MIB2: variants seen among roughly 807,000 people sequenced by gnomAD.
MIB2 encodes the protein MIB E3 ubiquitin protein ligase 2.
MIB2 carries 78 observed loss-of-function variants against 96.6 expected under a neutral mutation model. The ratio of observed to expected loss-of-function variants is 0.81; its 90% CI spans 0.67 to 0.97. The LOEUF is 0.97. Ranked by LOEUF, MIB2 falls within the 50% of genes least tolerant of loss-of-function variation. The pLI, the probability that MIB2 is intolerant of heterozygous loss-of-function variation, is 0.00. For synonymous variants in MIB2, 820 were observed against 629.5 expected (o/e 1.30, Z -4.53); for missense variants, 1,543 against 1,424.0 (o/e 1.08, Z -1.35).
At position 1,627,438 on chromosome 1, in the gene MIB2, C is replaced by T; in HGVS notation, c.1517C>T (p.Ala506Val). 2 of 1,609,864 alleles carry T rather than the reference C, an allele frequency of 1.2e-6. No homozygotes were observed. The highest frequency in any genetic ancestry group is 1.7e-6 in the Non-Finnish European group (2 of 1,178,220). The change falls in exon 12 of 20, where the codon GCC (alanine) becomes GTC (valine). Residue 506 changes from alanine to valine, a missense_variant. Physicochemically the swap from Ala to Val is moderately conservative, Grantham distance 64. Transcript: ENST00000355826. The part of the protein sequence containing the change: ...DEGNTALHYA[A>V]LGNQPEATRV... ...GGCAACACGGCACTGCACTACGCGG[C>T]CCTGGGGTGAGGCCTGGGAGGGGCC...
Position 1,626,643 on chromosome 1 carries a change from C to A in MIB2, c.973-7C>A, listed in dbSNP as rs780701423. On this transcript the variant is annotated splice_polypyrimidine_tract_variant and splice_region_variant and intron_variant, in intron 8 of 19. Coordinates refer to ENST00000355826, the MANE Select transcript of MIB2 (RefSeq NM_001170687.4). This position sits in a 1 kb window ranked among gnomAD's most constrained non-coding sequence, Gnocchi z 5.3. Reference sequence around the variant, plus strand: ...GGGGGCCCCTCACGCCCCTCTTTGTCGCTCAGCACCACTCCTTCTGGGTGG... The same window carrying A: ...GGGGGCCCCTCACGCCCCTCTTTGTAGCTCAGCACCACTCCTTCTGGGTGG... 4.5e-6 allele frequency: 7 copies of A among 1,547,862 alleles called. No individual in the cohort carries two copies. The highest frequency in any genetic ancestry group is 1.4e-5 in the African/African-American group (1 of 72,598).
Position 1,625,654 on chromosome 1 carries a change from G to A in MIB2, c.972+1G>A, listed in dbSNP as rs369881643. The A allele has an allele frequency of 5.6e-5, 87 of 1,553,978 alleles. No individual in the cohort carries two copies. Among genetic ancestry groups the A allele is most frequent in the Non-Finnish European group, 7.2e-5 (83 of 1,148,666 alleles). ...CTTCCACCCCGGGGCGCTCACCAAG[G>A]TGCCGGGGGGGCTGGGCTGCGCCTC... On this transcript the variant is annotated splice_donor_variant, in intron 8 of 19. Transcript: ENST00000355826. LOFTEE classifies it high-confidence loss of function. This position sits in a 1 kb window ranked among gnomAD's most constrained non-coding sequence, Gnocchi z 5.0.
In MIB2 at chr1:1,626,822, C is replaced by A; in HGVS notation, c.1078-15C>A. 6.3e-7 allele frequency: 1 copy of A among 1,599,992 alleles called. No homozygotes were observed. On this transcript the variant is annotated splice_polypyrimidine_tract_variant and intron_variant, in intron 9 of 19. Transcript: ENST00000355826. This position sits in a 1 kb window ranked among gnomAD's most constrained non-coding sequence, Gnocchi z 5.3. Reference sequence around the variant, plus strand: ...CACACCTGCAGCCTGCTGTGACCCCCTCCCCTCCCCGCAGGCCCTGGGCCG... The same window carrying A: ...CACACCTGCAGCCTGCTGTGACCCCATCCCCTCCCCGCAGGCCCTGGGCCG...
At chr1:1,623,053 G>A (rs931547011) in intron 2 of MIB2, 3 of 365,160 alleles carry the variant, frequency 8.2e-6, no homozygotes, top group African/African-American at 4.3e-5. Context: ...CTCGGGGGAC[G>A]GCAGCTCTTA....
intron 2 of MIB2, 84 bp from the exon 3 acceptor site, chr1:1,623,347 G>A (rs1042165904): frequency 8.4e-6 from 13 of 1,544,240 alleles, no homozygotes; most frequent in African/African-American, 1.4e-5. Flanking sequence ...CACTCTGACC[G>A]GGAGTGTCCC....
rs915577286 is a variant in MIB2 at position 1,615,643 on chromosome 1, G to A, written c.-130+10G>A. 1.3e-6 allele frequency: 2 copies of A among 1,575,472 alleles called. No individual in the cohort carries two copies. Among genetic ancestry groups the A allele is most frequent in the Non-Finnish European group, 1.7e-6 (2 of 1,164,748 alleles). On this transcript the variant is annotated intron_variant, in intron 1 of 19. Transcript: ENST00000355826. ...GTCCTCTCGGCTGATGGTGCGTGCGGGCGCGGATCTCCTCCCCTGGTCCTC... is the reference window on the plus strand; with the variant it reads ...GTCCTCTCGGCTGATGGTGCGTGCGAGCGCGGATCTCCTCCCCTGGTCCTC...
chr1:1,627,763 C>A lies in MIB2; in HGVS notation c.1614C>A (p.Ala538=). 1 of 1,597,384 alleles carries A rather than the reference C, an allele frequency of 6.3e-7. No individual in the cohort carries two copies. Among genetic ancestry groups the A allele is most frequent in the Non-Finnish European group, 8.5e-7 (1 of 1,179,100 alleles). The change falls in exon 13 of 20, where the codon GCC becomes GCA. Residue 538 remains alanine (A), a synonymous_variant. Coordinates refer to ENST00000355826, the MANE Select transcript of MIB2 (RefSeq NM_001170687.4). The part of the protein sequence containing the change: ...NSTQSTALHV[A]VQRGFLEVVR... ...CCCAGAGCACAGCACTGCACGTGGC[C>A]GTGCAGAGGGGCTTCCTGGAGGTGG...
At chr1:1,617,221 C>T (rs1643828484) in intron 2 of MIB2, 1 of 152,736 alleles carries the variant, frequency 6.5e-6, no homozygotes, top group Admixed American at 6.5e-5. Flanking sequence ...ATTTCGGTGT[C>T]ATTAGGCACA....
chr1:1,624,029 C>T, intron 4 of MIB2, 84 bp downstream of exon 4: 1 of 1,421,200 alleles, frequency 7.0e-7, no homozygotes, highest in South Asian at 1.3e-5. Context: ...AGGGTGCTGC[C>T]TCCTGACCGC....
upstream of MIB2, chr1:1,614,648 C>G (rs1414130051): frequency 6.6e-6 from 1 of 152,382 alleles, no homozygotes; most frequent in Admixed American, 6.5e-5. Context: ...GCTAACAGGA[C>G]CACGTGAGGG....
upstream of MIB2, chr1:1,615,367 C>G (rs976363341): frequency 1.5e-5 from 21 of 1,417,848 alleles, no homozygotes; most frequent in Non-Finnish European, 1.8e-5. Flanking sequence ...CGCTCGGAAC[C>G]TAGCTGCGCC....
upstream of MIB2, chr1:1,613,965 G>C (rs1367908318): frequency 6.6e-6 from 1 of 152,142 alleles, no homozygotes; most frequent in Non-Finnish European, 1.5e-5. Flanking sequence ...GTATCGTTAG[G>C]CATGTGGCGA....
At chr1:1,627,893 C>G in intron 13 of MIB2, 64 bp downstream of exon 13, 2 of 1,594,574 alleles carry the variant, frequency 1.3e-6, no homozygotes, top group Non-Finnish European at 1.7e-6. Flanking sequence ...GCCTGGGTTC[C>G]CTCTGCCCAT....
chr1:1,625,571 A>G lies in MIB2; in HGVS notation c.890A>G (p.His297Arg). 6.3e-7 allele frequency: 1 copy of G among 1,584,188 alleles called. No individual in the cohort carries two copies. The highest frequency in any genetic ancestry group is 8.6e-7 in the Non-Finnish European group (1 of 1,166,006). ...TTTATCGGACAGACGGGCACCGTGCATCGTATCACGGACCGCGGGGACGTG... is the reference window on the plus strand; with the variant it reads ...TTTATCGGACAGACGGGCACCGTGCGTCGTATCACGGACCGCGGGGACGTG... Reference protein sequence around the residue: ...AEFIGQTGTVHRITDRGDVRV... With the variant: ...AEFIGQTGTVRRITDRGDVRV... Residue 297 changes from histidine to arginine, a missense_variant, in exon 8 of 20, where the codon CAT (histidine) becomes CGT (arginine). By Grantham distance (29) the His-to-Arg change is conservative. Coordinates refer to ENST00000355826, the MANE Select transcript of MIB2 (RefSeq NM_001170687.4). This position sits in a 1 kb window ranked among gnomAD's most constrained non-coding sequence, Gnocchi z 5.0.
intron 2 of MIB2, 167 bp downstream of exon 2, chr1:1,616,781 G>A: frequency 3.5e-6 from 2 of 577,912 alleles, no homozygotes; most frequent in Non-Finnish European, 6.0e-6. Context: ...AACCCATGGA[G>A]GAAGAAAGCA....
intron 19 of MIB2, among the ~76,000 whole-genome samples, chr1:1,630,003 A>G (rs1056096463): frequency 3.2e-5 from 3 of 93,592 alleles, no homozygotes; most frequent in African/African-American, 1.3e-4. Context: ...ACCCCAGATC[A>G]CAGCCCACCC....
intron 2 of MIB2, among the ~76,000 whole-genome samples, chr1:1,619,987 C>T (rs1269804528): frequency 6.6e-6 from 1 of 152,228 alleles, no homozygotes; most frequent in African/African-American, 2.4e-5. Flanking sequence ...CCTTGGCACT[C>T]CACCCCACTG....
At position 1,628,031 on chromosome 1, in the gene MIB2, G is replaced by C. The variant is rs1207155649; in HGVS notation, c.1693G>C (p.Asp565His). 2 of 1,612,744 alleles carry C rather than the reference G, an allele frequency of 1.2e-6. No homozygotes were observed. The highest frequency in any genetic ancestry group is 1.7e-6 in the Non-Finnish European group (2 of 1,179,826). The change falls in exon 14 of 20, where the codon GAC becomes CAC. Residue 565 changes from aspartate to histidine, a missense_variant. Coordinates refer to ENST00000355826, the MANE Select transcript of MIB2 (RefSeq NM_001170687.4). ...TCCGCCCCAGCAGGACGCCCACTCG[G>C]ACACGCCCCTGCACTCCGCCATCTC... ...CDVNLPDAHS[D>H]TPLHSAISAG... is the part of the protein sequence containing the mutation.
chr1:1,628,801 T>G (rs1173155519), intron 16 of MIB2, 79 bp downstream of exon 16: 9 of 1,232,770 alleles, frequency 7.3e-6, no homozygotes, highest in Non-Finnish European at 9.9e-6. Flanking sequence ...TGTGCCACTG[T>G]CCACCTTCCC....
Sources: gnomAD v4.1 joint callset for allele counts (sites outside exome capture counted in the v4.1 genomes callset) on GRCh38, gnomAD v4.1.1 for gene constraint, Gnocchi (gnomAD v3.1) non-coding constraint, MANE v1.5 for transcripts, NCBI Gene and HGNC (gene_info 2026-07-23, HGNC 2026-07-21) for gene names.